Variants in ZNRF3 observed in about 807,000 individuals in gnomAD.
The protein encoded by ZNRF3 is zinc and ring finger 3.
ZNRF3 carries 23 observed loss-of-function variants against 72.5 expected under a neutral mutation model. The ratio of observed to expected loss-of-function variants is 0.32; its 90% CI spans 0.23 to 0.45. The LOEUF is 0.45. ZNRF3 is among the 20% of genes least tolerant of loss of function. The probability of loss-of-function intolerance (pLI) is 1.00; values close to 1 mark genes in which losing one functional copy is unlikely to be tolerated. For synonymous variants in ZNRF3, 610 were observed against 545.3 expected, an observed-to-expected ratio of 1.12 and a Z score of -1.65; for missense variants, 1,169 against 1,272.1, an observed-to-expected ratio of 0.92 and a Z score of 1.23.
intron 2 of ZNRF3, among the ~76,000 whole-genome samples, chr22:29,012,052 C>G (rs1431466619): frequency 6.6e-6 from 1 of 152,230 alleles, no homozygotes; most frequent in Non-Finnish European, 1.5e-5. Flanking sequence ...AGCTGGGTCA[C>G]CTGGATTGGC....
Position 29,029,542 on chromosome 22 carries a change from A to G in ZNRF3, c.427-12953A>G, listed in dbSNP as rs375006946. Among the ~76,000 whole-genome samples, 3 of 152,344 alleles carry G rather than the reference A, an allele frequency of 2.0e-5. No homozygotes were observed. The East Asian group carries it at 5.8e-4, about 29-fold the overall frequency. On this transcript the variant is annotated intron_variant, in intron 2 of 8. Transcript: ENST00000544604. The stretch of plus-strand genomic sequence containing the variant: ...AGAAGGTGCACTGGACAGTCATGCC[A>G]GAGGCCGTGTGCAATTTTAGGTTAG...
At chr22:28,901,134 T>TA (rs1283906761) in intron 1 of ZNRF3, among the ~76,000 whole-genome samples, 2 of 151,938 alleles carry the variant, frequency 1.3e-5, no homozygotes, top group Non-Finnish European at 2.9e-5. Context: ...AATAAATAAA[T>TA]AATTTTTTTT....
intron 2 of ZNRF3, among the ~76,000 whole-genome samples, chr22:29,032,890 C>T (rs576327789): frequency 3.3e-5 from 5 of 152,328 alleles, no homozygotes; most frequent in African/African-American, 1.2e-4. Flanking sequence ...TGGAGCACAG[C>T]ATAAGGCCAC....
intron 2 of ZNRF3, among the ~76,000 whole-genome samples, chr22:29,040,242 C>T (rs916030426): frequency 1.3e-5 from 2 of 151,434 alleles, no homozygotes; most frequent in Non-Finnish European, 1.5e-5. Flanking sequence ...TGCCGTGGTG[C>T]GATCTCGGCT....
Position 29,049,583 on chromosome 22 carries a change from A to G in ZNRF3, c.1402A>G (p.Met468Val), listed in dbSNP as rs757372157. Residue 468 changes from methionine (M) to valine (V), a missense_variant, in exon 8 of 9, where the codon ATG becomes GTG. Physicochemically the swap from Met to Val is conservative, Grantham distance 21. This residue lies in a region of ZNRF3 where 783 missense variants were observed against 731.4 expected (regional missense o/e 1.07). Coordinates refer to ENST00000544604, the MANE Select transcript of ZNRF3 (RefSeq NM_001206998.2). This position sits in a 1 kb window ranked among gnomAD's most constrained non-coding sequence, Gnocchi z 5.2. ...KAACFSQYET[M>V]YQHYYFQGLS... ...AGCTTGCTTCTCCCAGTATGAGACC[A>G]TGTACCAGCACTACTACTTCCAGGG... The G allele has an allele frequency of 9.3e-6, 15 of 1,607,466 alleles. No individual in the cohort carries two copies. Among genetic ancestry groups the G allele is most frequent in the Non-Finnish European group, 1.3e-5 (15 of 1,178,158 alleles).
intron 2 of ZNRF3, among the ~76,000 whole-genome samples, chr22:28,993,282 G>A (rs2035988716): frequency 6.6e-6 from 1 of 152,198 alleles, no homozygotes; most frequent in Non-Finnish European, 1.5e-5. Context: ...GGAAATTACT[G>A]AGGGCTCTTC....
At chr22:29,023,878 A>G (rs1417079953) in intron 2 of ZNRF3, among the ~76,000 whole-genome samples, 1 of 152,166 alleles carries the variant, frequency 6.6e-6, no homozygotes, top group Non-Finnish European at 1.5e-5. Context: ...TCTTGAGCCA[A>G]TGTCGGCATA....
At chr22:28,996,410 T>C (rs1268325929) in intron 2 of ZNRF3, among the ~76,000 whole-genome samples, 1 of 152,220 alleles carries the variant, frequency 6.6e-6, no homozygotes, top group Non-Finnish European at 1.5e-5. Flanking sequence ...AGATTATAAT[T>C]CCTAATTTGG....
At chr22:28,979,291 G>A (rs1182053521) in intron 1 of ZNRF3, among the ~76,000 whole-genome samples, 1 of 152,156 alleles carries the variant, frequency 6.6e-6, no homozygotes, top group Non-Finnish European at 1.5e-5. Context: ...TGTTGTTGCT[G>A]ACAGCAACTC....
At chr22:28,962,802 T>C (rs934960363) in intron 1 of ZNRF3, among the ~76,000 whole-genome samples, 1 of 152,252 alleles carries the variant, frequency 6.6e-6, no homozygotes, top group Non-Finnish European at 1.5e-5. Context: ...GGTCTCTGGC[T>C]GAAATTTGGT....
At chr22:28,885,930 CAA>C (rs5844826) in intron 1 of ZNRF3, among the ~76,000 whole-genome samples, 2,273 of 126,534 alleles carry the variant, frequency 0.018, 61 homozygotes, top group African/African-American at 0.059. Context: ...TTAGCCTAGC[CAA>C]AAAAAAAAAA....
chr22:29,019,625 A>G (rs2036494443), intron 2 of ZNRF3, among the ~76,000 whole-genome samples: 1 of 152,174 alleles, frequency 6.6e-6, no homozygotes, highest in Non-Finnish European at 1.5e-5. Context: ...ATTTGCAGCA[A>G]TTAACATCTT....
chr22:28,916,761 C>T (rs1286541655), intron 1 of ZNRF3, among the ~76,000 whole-genome samples: 1 of 152,086 alleles, frequency 6.6e-6, no homozygotes, highest in African/African-American at 2.4e-5. Context: ...TGTGGAGCTC[C>T]CCACAAAGAG....
At chr22:28,907,962 C>A (rs1420526102) in intron 1 of ZNRF3, among the ~76,000 whole-genome samples, 1 of 152,140 alleles carries the variant, frequency 6.6e-6, no homozygotes, top group South Asian at 2.1e-4. Flanking sequence ...GGGAAGTGGG[C>A]GTTTTCTAAA....
At chr22:28,907,226 C>T (rs1324653845) in intron 1 of ZNRF3, among the ~76,000 whole-genome samples, 4 of 151,478 alleles carry the variant, frequency 2.6e-5, no homozygotes, top group African/African-American at 9.7e-5. Context: ...CTCCTGAGCT[C>T]AGGCAATCTG....
At position 29,049,882 on chromosome 22, in the gene ZNRF3, T is replaced by A; in HGVS notation, c.1701T>A (p.Ser567=). The A allele has an allele frequency of 6.2e-7, 1 of 1,602,450 alleles. No homozygotes were observed. Among genetic ancestry groups the A allele is most frequent in the Non-Finnish European group, 8.5e-7 (1 of 1,173,720 alleles). ...AGTGCCACTGTTCCTCCAGTGACTCTGTGGTAGACTGCACTGAGGTCAGCA... is the reference window on the plus strand; with the variant it reads ...AGTGCCACTGTTCCTCCAGTGACTCAGTGGTAGACTGCACTGAGGTCAGCA... ...SGQCHCSSSD[S]VVDCTEVSNQ... Residue 567 remains serine (S), a synonymous_variant, in exon 8 of 9, where the codon TCT becomes TCA. Coordinates refer to ENST00000544604, the MANE Select transcript of ZNRF3 (RefSeq NM_001206998.2). This position sits in a 1 kb window ranked among gnomAD's most constrained non-coding sequence, Gnocchi z 5.2.
chr22:28,906,604 A>T (rs2034212685), intron 1 of ZNRF3, among the ~76,000 whole-genome samples: 1 of 152,244 alleles, frequency 6.6e-6, no homozygotes, highest in African/African-American at 2.4e-5. Context: ...TGTAAGGTGT[A>T]CATTAAGTGC....
chr22:28,983,490 C>T (rs1049824230), intron 1 of ZNRF3, among the ~76,000 whole-genome samples: 2 of 152,188 alleles, frequency 1.3e-5, no homozygotes, highest in Non-Finnish European at 2.9e-5. Context: ...GGTCAGGCCT[C>T]GGCTTTGGCT....
intron 2 of ZNRF3, among the ~76,000 whole-genome samples, chr22:29,005,064 C>T (rs575622068): frequency 6.6e-6 from 1 of 152,322 alleles, no homozygotes; most frequent in African/African-American, 2.4e-5. Flanking sequence ...ATCACGGCTG[C>T]TCTCCCTGGT....
Sources: allele counts gnomAD v4.1 joint callset (sites outside exome capture counted in the v4.1 genomes callset), GRCh38; gene constraint gnomAD v4.1.1; regional missense constraint gnomAD v4.1.1; non-coding constraint Gnocchi (gnomAD v3.1); transcripts MANE v1.5; gene names NCBI Gene and HGNC (gene_info 2026-07-23, HGNC 2026-07-21).